The following PLCB3 variants were observed in gnomAD, a reference collection of about 807,000 sequenced individuals.
PLCB3 encodes the protein 1-phosphatidylinositol 4,5-bisphosphate phosphodiesterase beta-3.
A neutral mutation model predicts 152.1 loss-of-function variants in PLCB3; 54 were observed. The observed-to-expected ratio is 0.36, with a 90% CI of 0.29 to 0.45. The LOEUF (loss-of-function observed/expected upper bound fraction) is 0.45. Among genes scored for constraint, PLCB3 ranks in the 20% least tolerant of loss-of-function variants. The pLI is 1.00. For missense variants in PLCB3, 1,248 were observed against 1,687.5 expected, an observed-to-expected ratio of 0.74 and a Z score of 4.56; for synonymous variants, 717 against 698.7, an observed-to-expected ratio of 1.03 and a Z score of -0.41.
Position 64,255,159 on chromosome 11 carries a change from T to C in PLCB3, c.388-75T>C, listed in dbSNP as rs996692526. The stretch of plus-strand genomic sequence containing the variant: ...GTGACCTACTGTGTACCAGAGGCAG[T>C]TGTGGACCTGGGTTGTGGCTGGGCA... On this transcript the variant is annotated intron_variant, in intron 4 of 30. Coordinates refer to ENST00000279230, the MANE Select transcript of PLCB3 (RefSeq NM_000932.5). This position sits in a 1 kb window ranked among gnomAD's most constrained non-coding sequence, Gnocchi z 6.8. 1.1e-5 allele frequency: 16 copies of C among 1,523,620 alleles called. No homozygotes were observed. The East Asian group carries it at 3.4e-4, about 32-fold the overall frequency. The allele number at this position is 1,523,620 out of a possible 1,614,324, so 94.4% of individuals were successfully genotyped here.
At position 64,255,206 on chromosome 11, in the gene PLCB3, C is replaced by T. The variant is rs183752749; in HGVS notation, c.388-28C>T. On this transcript the variant is annotated intron_variant, in intron 4 of 30. Coordinates refer to ENST00000279230, the MANE Select transcript of PLCB3 (RefSeq NM_000932.5). The surrounding 1 kb of genome is among the most constrained non-coding windows in gnomAD (Gnocchi z 6.8). ...GGCAGCCCCTGTGTCCCCCACTCAC[C>T]GCCTCCCCGTGTATACTGGCCCCCC... The T allele has an allele frequency of 1.3e-3, 2,106 of 1,588,540 alleles. 49 individuals are homozygous for T. The Admixed American group carries it at 0.032, about 24-fold the overall frequency.
chr11:64,267,706 T>C lies in PLCB3; in HGVS notation c.*150T>C, dbSNP rs2032199575. On this transcript the variant is annotated 3_prime_UTR_variant, in exon 31 of 31. Transcript: ENST00000279230. This position sits in a 1 kb window ranked among gnomAD's most constrained non-coding sequence, Gnocchi z 5.2. ...GGGGCAAGTACCTCAGCTAACTCCC[T>C]TCATCCTCCTGGGGCCCCTCCTTCC... 1.3e-5 allele frequency: 9 copies of C among 669,364 alleles called. No individual in the cohort carries two copies. Among genetic ancestry groups the C allele is most frequent in the Non-Finnish European group, 2.2e-5 (9 of 405,600 alleles). 41.5% of individuals were successfully genotyped at this position (669,364 alleles called of 1,614,324 possible). A position where few individuals can be genotyped will look rare whatever the true frequency, so the allele number is the denominator to read the frequency against.
rs375081116 is a variant in PLCB3, at chr11:64,266,369, G to T, written c.3321G>T (p.Ser1107=). 6.2e-6 allele frequency: 10 copies of T among 1,612,578 alleles called. No individual in the cohort carries two copies. In the East Asian group the frequency reaches 1.1e-4, roughly 18 times the overall value. Residue 1107 remains serine, a synonymous_variant, in exon 28 of 31, where the codon TCG becomes TCT. Coordinates refer to ENST00000279230, the MANE Select transcript of PLCB3 (RefSeq NM_000932.5). This position sits in a 1 kb window ranked among gnomAD's most constrained non-coding sequence, Gnocchi z 4.9. Reference sequence around the variant, plus strand: ...ACAGAAAGCGCCATAACAGCATCTCGGAGGCCAAGATGAGGGACAAGCATA... The same window carrying T: ...ACAGAAAGCGCCATAACAGCATCTCTGAGGCCAAGATGAGGGACAAGCATA... ...ILDRKRHNSI[S]EAKMRDKHKK...
chr11:64,256,810 C>A, intron 10 of PLCB3, 46 bp downstream of exon 10: 3 of 1,587,214 alleles, frequency 1.9e-6, no homozygotes, highest in South Asian at 1.1e-5. Flanking sequence ...GCCCTGTGAC[C>A]CTTGCACAGC....
chr11:64,256,055 A>G (rs1242915385), intron 8 of PLCB3, among the ~76,000 whole-genome samples: 5 of 152,066 alleles, frequency 3.3e-5, no homozygotes, highest in Admixed American at 2.0e-4. Context: ...TGGTTTAATC[A>G]GCCCACTCTG....
Position 64,256,727 on chromosome 11 carries a change from C to T in PLCB3, c.975C>T (p.Ala325=), listed in dbSNP as rs769605112. 7.4e-6 allele frequency: 12 copies of T among 1,614,104 alleles called. No individual in the cohort carries two copies. Among genetic ancestry groups the T allele is most frequent in the Non-Finnish European group, 1.0e-5 (12 of 1,180,040 alleles). ...LSTDMTQPLS[A]YFINSSHNTY... Reference sequence around the variant, plus strand: ...CGGACATGACCCAGCCACTGAGTGCCTACTTCATCAACTCCTCGCATAACA... The same window carrying T: ...CGGACATGACCCAGCCACTGAGTGCTTACTTCATCAACTCCTCGCATAACA... Residue 325 remains alanine, a synonymous_variant, in exon 10 of 31, where the codon GCC becomes GCT. Coordinates refer to ENST00000279230, the MANE Select transcript of PLCB3 (RefSeq NM_000932.5).
At chr11:64,259,977 C>A in intron 13 of PLCB3, 52 bp from the exon 14 acceptor site, 1 of 1,496,636 alleles carries the variant, frequency 6.7e-7, no homozygotes. Context: ...TCCAGACTTC[C>A]TAAGCAGCTG....
At chr11:64,257,262 C>G (rs927319983) in intron 10 of PLCB3, among the ~76,000 whole-genome samples, 8 of 152,148 alleles carry the variant, frequency 5.3e-5, no homozygotes, top group African/African-American at 1.9e-4. Flanking sequence ...CCTCGCCCTC[C>G]CAAAGTGCTG....
intron 22 of PLCB3, 149 bp downstream of exon 22, chr11:64,264,261 A>G (rs1438323307): frequency 7.6e-6 from 4 of 527,312 alleles, no homozygotes; most frequent in African/African-American, 5.9e-5. Flanking sequence ...AAAACCACCC[A>G]TTTGCATTCA....
At chr11:64,261,125 T>A (rs2031826169) in intron 14 of PLCB3, among the ~76,000 whole-genome samples, 1 of 151,774 alleles carries the variant, frequency 6.6e-6, no homozygotes, top group Admixed American at 6.6e-5. Flanking sequence ...GCCAACATGG[T>A]GAAACCCCAT....
chr11:64,266,419 A>AC lies in PLCB3; in HGVS notation c.3356+17dup. 6.3e-7 allele frequency: 1 copy of AC among 1,599,400 alleles called. No homozygotes were observed. On this transcript the variant is annotated intron_variant, in intron 28 of 30. Coordinates refer to ENST00000279230, the MANE Select transcript of PLCB3 (RefSeq NM_000932.5). The surrounding 1 kb of genome is among the most constrained non-coding windows in gnomAD (Gnocchi z 4.9). Reference sequence around the variant, plus strand: ...AAGAAGGAGGCGTAAGGGCACCGGGACCGGGGGCCATCTGGGTACTGGGGA... The same window carrying AC: ...AAGAAGGAGGCGTAAGGGCACCGGGACCCGGGGGCCATCTGGGTACTGGGGA...
intron 25 of PLCB3, 35 bp downstream of exon 25, chr11:64,265,537 T>C (rs776194476): frequency 1.8e-5 from 28 of 1,566,540 alleles, no homozygotes; most frequent in Non-Finnish European, 2.2e-5. Context: ...CTATGTGTGC[T>C]GGGTGTGCTG....
chr11:64,256,556 G>A lies in PLCB3; in HGVS notation c.865+14G>A. On this transcript the variant is annotated intron_variant, in intron 9 of 30. Coordinates refer to ENST00000279230, the MANE Select transcript of PLCB3 (RefSeq NM_000932.5). ...TTCTGGAGCGAGGTGAGCTGGCTGG[G>A]GTGCAGGTGGGTGGGGGCAGGTGGG... is the stretch of plus-strand genomic sequence containing the variant. 3 of 1,613,304 alleles carry A rather than the reference G, an allele frequency of 1.9e-6. No homozygotes were observed. The highest frequency in any genetic ancestry group is 1.3e-5 in the African/African-American group (1 of 75,038).
rs2031396145 is a variant in PLCB3, at chr11:64,254,317, GGGCA to G, written c.100-95_100-92del. 22 of 964,342 alleles carry G rather than the reference GGGCA, an allele frequency of 2.3e-5. No homozygotes were observed. In the South Asian group the frequency reaches 2.5e-4, roughly 11 times the overall value. The allele number at this position is 964,342 out of a possible 1,614,324, so 59.7% of individuals were successfully genotyped here. A position where few individuals can be genotyped will look rare whatever the true frequency, so the allele number is the denominator to read the frequency against. ...TGGATGAGGTTTCGTCTTAGCTCAT[GGGCA>G]GGAACTCTGGGGTGCATGATGGGAG... is the stretch of plus-strand genomic sequence containing the variant. On this transcript the variant is annotated intron_variant, in intron 1 of 30. Coordinates refer to ENST00000279230, the MANE Select transcript of PLCB3 (RefSeq NM_000932.5).
chr11:64,256,520 C>G lies in PLCB3; in HGVS notation c.843C>G (p.Pro281=), dbSNP rs760335361. The change falls in exon 9 of 31, where the codon CCC becomes CCG. Residue 281 remains proline, a synonymous_variant. Transcript: ENST00000279230. ...QARLLIEKYE[P]NQQFLERDQM... ...GGCTGCTCATCGAAAAGTATGAGCCCAACCAGCAGTTTCTGGAGCGAGGTG... is the reference window on the plus strand; with the variant it reads ...GGCTGCTCATCGAAAAGTATGAGCCGAACCAGCAGTTTCTGGAGCGAGGTG... 3.1e-6 allele frequency: 5 copies of G among 1,613,902 alleles called. No individual in the cohort carries two copies. The highest frequency in any genetic ancestry group is 4.2e-6 in the Non-Finnish European group (5 of 1,179,962).
chr11:64,269,396 G>A (rs988917742), downstream of PLCB3, among the ~76,000 whole-genome samples: 1 of 152,226 alleles, frequency 6.6e-6, no homozygotes, highest in Non-Finnish European at 1.5e-5. Flanking sequence ...TTTCTGGAAC[G>A]GAGCCCCCGC....
Position 64,267,153 on chromosome 11 carries a change from C to T in PLCB3, c.3415-32C>T. The T allele has an allele frequency of 1.3e-6, 2 of 1,541,396 alleles. No homozygotes were observed. The highest frequency in any genetic ancestry group is 1.8e-6 in the Non-Finnish European group (2 of 1,139,990). On this transcript the variant is annotated intron_variant, in intron 29 of 30. Transcript: ENST00000279230. This position sits in a 1 kb window ranked among gnomAD's most constrained non-coding sequence, Gnocchi z 5.2. The stretch of plus-strand genomic sequence containing the variant: ...CGAGGCTCTAGCCCCTCCCTCAGGG[C>T]CCCTCAGCTGAGCCCTTGCCCACCC...
rs1408852164 is a variant in PLCB3, at chr11:64,267,645, T to A, written c.*89T>A. ...CACTAATGCTTTTTTTTTTTTTTTT[T>A]AACTTTTTATCTAGAAATTTTATTT... On this transcript the variant is annotated 3_prime_UTR_variant, in exon 31 of 31. Coordinates refer to ENST00000279230, the MANE Select transcript of PLCB3 (RefSeq NM_000932.5). The surrounding 1 kb of genome is among the most constrained non-coding windows in gnomAD (Gnocchi z 5.2). The A allele has an allele frequency of 6.6e-6, 6 of 905,900 alleles. No individual in the cohort carries two copies. Among genetic ancestry groups the A allele is most frequent in the Non-Finnish European group, 9.8e-6 (6 of 613,512 alleles). 56.1% of individuals were successfully genotyped at this position (905,900 alleles called of 1,614,324 possible). A position where few individuals can be genotyped will look rare whatever the true frequency, so the allele number is the denominator to read the frequency against.
intron 25 of PLCB3, 113 bp from the exon 26 acceptor site, chr11:64,265,773 G>GC (rs747350473): frequency 4.3e-6 from 6 of 1,394,410 alleles, no homozygotes; most frequent in Non-Finnish European, 4.9e-6. Flanking sequence ...AACAGACCTG[G>GC]CCCCATGGGA....
Sources: allele counts gnomAD v4.1 joint callset (sites outside exome capture counted in the v4.1 genomes callset), GRCh38; gene constraint gnomAD v4.1.1; non-coding constraint Gnocchi (gnomAD v3.1); transcripts MANE v1.5; gene names NCBI Gene and HGNC (gene_info 2026-07-23, HGNC 2026-07-21).